ATP2A2: variants seen among roughly 807,000 people sequenced by gnomAD.
ATP2A2 encodes the protein sarcoplasmic/endoplasmic reticulum calcium ATPase 2.
A neutral mutation model predicts 109.3 loss-of-function variants in ATP2A2; 14 were observed. The observed-to-expected ratio is 0.13, with a 90% CI of 0.08 to 0.20. The LOEUF is 0.20. Among genes scored for constraint, ATP2A2 ranks in the 10% least tolerant of loss-of-function variants. ATP2A2 has a pLI of 1.00. For missense variants in ATP2A2, 657 were observed against 1,321.6 expected, an observed-to-expected ratio of 0.50 and a Z score of 7.80; for synonymous variants, 506 against 490.9, an observed-to-expected ratio of 1.03 and a Z score of -0.41.
intron 5 of ATP2A2, among the ~76,000 whole-genome samples, chr12:110,320,493 C>T (rs186513332): frequency 6.6e-6 from 1 of 152,158 alleles, no homozygotes; most frequent in African/African-American, 2.4e-5. Context: ...TTGAAATGTT[C>T]GAGGGCATGT....
Position 110,327,476 on chromosome 12 carries a change from C to T in ATP2A2, c.631-77C>T. On this transcript the variant is annotated intron_variant, in intron 7 of 19. Coordinates refer to ENST00000539276, the MANE Select transcript of ATP2A2 (RefSeq NM_170665.4). This position sits in a 1 kb window ranked among gnomAD's most constrained non-coding sequence, Gnocchi z 4.4. ...AGAATGTGTAGAGAATCTGGGTGCC[C>T]TAGTCAAAAACCAGCGTCGGTATTT... The T allele has an allele frequency of 1.5e-6, 2 of 1,370,262 alleles. No homozygotes were observed. Among genetic ancestry groups the T allele is most frequent in the East Asian group, 4.6e-5 (2 of 43,722 alleles). 84.9% of individuals were successfully genotyped at this position (1,370,262 alleles called of 1,614,324 possible). A position where few individuals can be genotyped will look rare whatever the true frequency, so the allele number is the denominator to read the frequency against.
chr12:110,293,367 C>CTTTTTTTTTTTTT (rs1178977431), intron 4 of ATP2A2, among the ~76,000 whole-genome samples: 1 of 79,856 alleles, frequency 1.3e-5, no homozygotes, highest in Non-Finnish European at 2.4e-5. Context: ...CACTCCCGGC[C>CTTTTTTTTTTTTT]TTTTTTTTTT....
At chr12:110,288,154 C>T (rs1381659547) in intron 3 of ATP2A2, among the ~76,000 whole-genome samples, 1 of 130,540 alleles carries the variant, frequency 7.7e-6, no homozygotes, top group Non-Finnish European at 1.5e-5. Context: ...GTCACCTAGG[C>T]TGGAATGTAG....
rs562002368 is a variant in ATP2A2, at chr12:110,349,245, T to G, written c.*2775T>G. ...AAGACCAGGTCCAGCACCGTGGTCTTGGCACATCCCTGGCCTCAGGCCCTC... is the reference window on the plus strand; with the variant it reads ...AAGACCAGGTCCAGCACCGTGGTCTGGGCACATCCCTGGCCTCAGGCCCTC... On this transcript the variant is annotated 3_prime_UTR_variant, in exon 20 of 20. Coordinates refer to ENST00000539276, the MANE Select transcript of ATP2A2 (RefSeq NM_170665.4). The G allele has an allele frequency of 1.0e-6, 1 of 985,558 alleles. No homozygotes were observed. Among genetic ancestry groups the G allele is most frequent in the Non-Finnish European group, 1.2e-6 (1 of 830,000 alleles). The allele number at this position is 985,558 out of a possible 1,614,324, so 61.1% of individuals were successfully genotyped here. A position where few individuals can be genotyped will look rare whatever the true frequency, so the allele number is the denominator to read the frequency against.
chr12:110,339,465 A>G lies in ATP2A2; in HGVS notation c.1543-38A>G, dbSNP rs781166264. The stretch of plus-strand genomic sequence containing the variant: ...AGGGTTAAGATCCCGGTGAACCAAT[A>G]AAACAAAATTGTTTATCTAAATCTG... On this transcript the variant is annotated intron_variant, in intron 12 of 19. Transcript: ENST00000539276. The surrounding 1 kb of genome is among the most constrained non-coding windows in gnomAD (Gnocchi z 4.4). 6 of 1,614,104 alleles carry G rather than the reference A, an allele frequency of 3.7e-6. No individual in the cohort carries two copies. The highest frequency in any genetic ancestry group is 5.1e-6 in the Non-Finnish European group (6 of 1,179,990).
chr12:110,309,838 C>T (rs753924571), intron 5 of ATP2A2, among the ~76,000 whole-genome samples: 2 of 151,082 alleles, frequency 1.3e-5, no homozygotes, highest in African/African-American at 2.4e-5. Context: ...CCCAGGAGGT[C>T]GAGGCTGTGG....
Position 110,340,721 on chromosome 12 carries a change from C to T in ATP2A2, c.1824C>T (p.Ser608=), listed in dbSNP as rs1592860991. Residue 608 remains serine, a synonymous_variant, in exon 14 of 20, where the codon TCC becomes TCT. Transcript: ENST00000539276. This position sits in a 1 kb window ranked among gnomAD's most constrained non-coding sequence, Gnocchi z 6.0. ...MLDPPRIEVA[S]SVKLCRQAGI... ...ATCCTCCGAGAATCGAGGTGGCCTC[C>T]TCCGTGAAGCTGTGCCGGCAAGCAG... The T allele has an allele frequency of 6.2e-7, 1 of 1,614,106 alleles. No individual in the cohort carries two copies.
In ATP2A2 at chr12:110,349,955, C is replaced by A; in HGVS notation, c.*3485C>A. The A allele has an allele frequency of 1.4e-5, 17 of 1,233,314 alleles. No individual in the cohort carries two copies. The highest frequency in any genetic ancestry group is 1.8e-5 in the South Asian group (1 of 55,236). The allele number at this position is 1,233,314 out of a possible 1,614,324, so 76.4% of individuals were successfully genotyped here. A position where few individuals can be genotyped will look rare whatever the true frequency, so the allele number is the denominator to read the frequency against. Reference sequence around the variant, plus strand: ...CTCACTTCTCCATCAACCTCACCCTCTGCACCACTAACCAAGACCTTGTCC... The same window carrying A: ...CTCACTTCTCCATCAACCTCACCCTATGCACCACTAACCAAGACCTTGTCC... On this transcript the variant is annotated 3_prime_UTR_variant, in exon 20 of 20. Coordinates refer to ENST00000539276, the MANE Select transcript of ATP2A2 (RefSeq NM_170665.4).
intron 8 of ATP2A2, 90 bp from the exon 9 acceptor site, chr12:110,332,507 G>A: frequency 9.1e-7 from 1 of 1,101,510 alleles, no homozygotes; most frequent in South Asian, 1.2e-5. Context: ...GAGGTTGTTT[G>A]CCTTTGTCCT....
chr12:110,321,790 G>C (rs971225820), intron 5 of ATP2A2, among the ~76,000 whole-genome samples: 3 of 152,084 alleles, frequency 2.0e-5, no homozygotes, highest in Non-Finnish European at 2.9e-5. Context: ...GCAGAGGGCT[G>C]GGCACTATTC....
At chr12:110,323,462 G>T (rs755950300) in intron 6 of ATP2A2, among the ~76,000 whole-genome samples, 13 of 151,162 alleles carry the variant, frequency 8.6e-5, no homozygotes, top group Non-Finnish European at 2.9e-5. Flanking sequence ...TGGGATTACA[G>T]GCGTGAACCA....
chr12:110,342,795 C>A lies in ATP2A2; in HGVS notation c.2318+347C>A, dbSNP rs186394205. Among the ~76,000 whole-genome samples, 4 of 152,148 alleles carry A rather than the reference C, an allele frequency of 2.6e-5. No individual in the cohort carries two copies. The highest frequency in any genetic ancestry group is 9.7e-5 in the African/African-American group (4 of 41,422). ...TATTTTTTTGAGACAGTCTCGCTGT[C>A]GCCCAGGCTTCGGGCAGTGGCACGA... On this transcript the variant is annotated intron_variant, in intron 15 of 19. Coordinates refer to ENST00000539276, the MANE Select transcript of ATP2A2 (RefSeq NM_170665.4). The surrounding 1 kb of genome is among the most constrained non-coding windows in gnomAD (Gnocchi z 4.6).
At position 110,348,268 on chromosome 12, in the gene ATP2A2, C is replaced by G. The variant is rs1037389120; in HGVS notation, c.*1798C>G. 8.1e-6 allele frequency: 8 copies of G among 984,666 alleles called. No homozygotes were observed. Among genetic ancestry groups the G allele is most frequent in the Non-Finnish European group, 9.6e-6 (8 of 829,528 alleles). 61.0% of individuals were successfully genotyped at this position (984,666 alleles called of 1,614,324 possible). On this transcript the variant is annotated 3_prime_UTR_variant, in exon 20 of 20. Transcript: ENST00000539276. ...AATAGGCCACTTCCCCACTCCCCCA[C>G]CCCCCCTTGCTTGGTCTTGTCCTTG... is the stretch of plus-strand genomic sequence containing the variant.
chr12:110,334,187 C>A lies in ATP2A2; in HGVS notation c.1419+44C>A. 5 of 1,609,100 alleles carry A rather than the reference C, an allele frequency of 3.1e-6. No individual in the cohort carries two copies. The South Asian group carries it at 3.3e-5, about 11-fold the overall frequency. On this transcript the variant is annotated intron_variant, in intron 11 of 19. Transcript: ENST00000539276. ...TTTATTGTTCATGCTGCTTATCAGT[C>A]GTACTATATATACTTAGTGTCTGCA... is the stretch of plus-strand genomic sequence containing the variant.
At chr12:110,310,485 ACTT>A (rs1443983920) in intron 5 of ATP2A2, among the ~76,000 whole-genome samples, 1 of 152,090 alleles carries the variant, frequency 6.6e-6, no homozygotes, top group Middle Eastern at 3.2e-3. Flanking sequence ...TTATTTATTG[ACTT>A]CTTAAGAACA....
At chr12:110,312,865 A>AAG (rs1876238477) in intron 5 of ATP2A2, among the ~76,000 whole-genome samples, 2 of 151,614 alleles carry the variant, frequency 1.3e-5, no homozygotes, top group Admixed American at 6.6e-5. Context: ...AAAAAAAAAA[A>AAG]GAAAACAAAA....
rs528548975 is a variant in ATP2A2 at position 110,308,628 on chromosome 12, G to A, written c.463+11891G>A. Among the ~76,000 whole-genome samples the A allele has an allele frequency of 5.9e-5, 9 of 152,314 alleles. No homozygotes were observed. The South Asian group carries it at 6.2e-4, about 11-fold the overall frequency. ...TATTTATTTTATTAAGACTATACAC[G>A]TTGAGCCTTTTAAACTTCCACCTCT... On this transcript the variant is annotated intron_variant, in intron 5 of 19. Coordinates refer to ENST00000539276, the MANE Select transcript of ATP2A2 (RefSeq NM_170665.4).
chr12:110,295,803 G>T (rs897874851), intron 4 of ATP2A2, among the ~76,000 whole-genome samples: 2 of 152,134 alleles, frequency 1.3e-5, no homozygotes, highest in Non-Finnish European at 2.9e-5. Flanking sequence ...GAAATATATA[G>T]CTTGGGACTG....
intron 11 of ATP2A2, among the ~76,000 whole-genome samples, chr12:110,335,435 G>A (rs922302182): frequency 6.6e-6 from 1 of 152,122 alleles, no homozygotes; most frequent in African/African-American, 2.4e-5. Context: ...AAGCTGAGGC[G>A]GGAGAGTCAC....
Sources: allele counts gnomAD v4.1 joint callset (sites outside exome capture counted in the v4.1 genomes callset), GRCh38; gene constraint gnomAD v4.1.1; non-coding constraint Gnocchi (gnomAD v3.1); transcripts MANE v1.5; gene names NCBI Gene and HGNC (gene_info 2026-07-23, HGNC 2026-07-21).